The following DCDC1 variants were observed in gnomAD, a reference collection of about 807,000 sequenced individuals.
DCDC1 encodes the protein doublecortin domain-containing protein 1.
Under a neutral mutation model 178.3 loss-of-function variants are expected in DCDC1, and 200 were observed. That is an observed-to-expected ratio of 1.12 (90% CI 1.00 to 1.26). The LOEUF is 1.26. DCDC1 is among the 50% of genes most tolerant of loss of function. The probability of loss-of-function intolerance (pLI) is 0.00; values close to 1 mark genes in which losing one functional copy is unlikely to be tolerated. For synonymous variants in DCDC1, 690 were observed against 604.8 expected (o/e 1.14, Z -2.07); for missense variants, 1,983 against 1,749.2 (o/e 1.13, Z -2.38).
At chr11:31,328,034 CTGAT>C (rs1949743501) in intron 3 of DCDC1, 79 bp downstream of exon 3, 5 of 1,398,532 alleles carry the variant, frequency 3.6e-6, no homozygotes, top group Non-Finnish European at 4.7e-6. Context: ...CCGGCCAAGA[CTGAT>C]TGAAAATTTA....
chr11:31,035,766 T>A (rs996910587), intron 20 of DCDC1, among the ~76,000 whole-genome samples: 1 of 152,264 alleles, frequency 6.6e-6, no homozygotes, highest in Non-Finnish European at 1.5e-5. Flanking sequence ...CACTGATGGA[T>A]CTTGCTTACA....
rs1041450505 is a variant in DCDC1, at chr11:31,195,245, G to A, written c.1221+46205C>T. ...AGTTAAAGAGTGGATTGGAAGTTAT[G>A]GAGGCTAGTCCTGGTTCTTCCACTA... On this transcript the variant is annotated intron_variant, in intron 9 of 38. Transcript: ENST00000684477. Among the ~76,000 whole-genome samples, 12 of 152,114 alleles carry A rather than the reference G, an allele frequency of 7.9e-5. No individual in the cohort carries two copies. In the East Asian group the frequency reaches 1.7e-3, roughly 22 times the overall value.
At chr11:30,995,224 G>A (rs1434124595) in intron 20 of DCDC1, among the ~76,000 whole-genome samples, 1 of 151,986 alleles carries the variant, frequency 6.6e-6, no homozygotes, top group Admixed American at 6.6e-5. Flanking sequence ...CAGTATCTAC[G>A]TGGTAAAAAC....
rs1451130668 is a variant in DCDC1 at position 30,900,341 on chromosome 11, GT to G, written c.4663+4del. 2 of 1,506,756 alleles carry G rather than the reference GT, an allele frequency of 1.3e-6. No individual in the cohort carries two copies. The highest frequency in any genetic ancestry group is 1.8e-6 in the Non-Finnish European group (2 of 1,128,176). 93.3% of individuals were successfully genotyped at this position (1,506,756 alleles called of 1,614,324 possible). A position where few individuals can be genotyped will look rare whatever the true frequency, so the allele number is the denominator to read the frequency against. ...CTTGAAAGAAAGCAAAAACAAAAAA[GT>G]TACCATTTGGAGGTAGAAATGGTTC... On this transcript the variant is annotated splice_donor_region_variant and intron_variant, in intron 33 of 38. Transcript: ENST00000684477.
chr11:31,205,054 T>C (rs1971715521), intron 9 of DCDC1, among the ~76,000 whole-genome samples: 1 of 152,156 alleles, frequency 6.6e-6, no homozygotes, highest in South Asian at 2.1e-4. Context: ...CTATAAGAGT[T>C]TTCTCTTAAT....
At chr11:31,263,801 G>C (rs1319954489) in intron 8 of DCDC1, among the ~76,000 whole-genome samples, 1 of 152,138 alleles carries the variant, frequency 6.6e-6, no homozygotes, top group African/African-American at 2.4e-5. Flanking sequence ...TCAGTTGTCG[G>C]AATCACTACC....
chr11:31,232,350 G>T (rs1316885020), intron 9 of DCDC1, among the ~76,000 whole-genome samples: 1 of 151,734 alleles, frequency 6.6e-6, no homozygotes, highest in East Asian at 1.9e-4. Flanking sequence ...TCCTGTTTTG[G>T]CATTTCTTCA....
chr11:31,338,337 A>G (rs1950373222), intron 1 of DCDC1, among the ~76,000 whole-genome samples: 1 of 152,144 alleles, frequency 6.6e-6, no homozygotes, highest in African/African-American at 2.4e-5. Flanking sequence ...CTTAATGAAA[A>G]GGACAGTGCA....
At chr11:31,125,319 C>T (rs1208842137) in intron 11 of DCDC1, among the ~76,000 whole-genome samples, 1 of 152,088 alleles carries the variant, frequency 6.6e-6, no homozygotes. Context: ...TACTTTTACA[C>T]TGTTAGTGGG....
chr11:31,357,262 G>C (rs1951431609), intron 1 of DCDC1, among the ~76,000 whole-genome samples: 1 of 151,660 alleles, frequency 6.6e-6, no homozygotes, highest in African/African-American at 2.4e-5. Flanking sequence ...CTTCATCCCT[G>C]GGATGCAAGG....
intron 20 of DCDC1, among the ~76,000 whole-genome samples, chr11:31,011,336 CA>C (rs1367009662): frequency 6.6e-6 from 1 of 151,914 alleles, no homozygotes; most frequent in Non-Finnish European, 1.5e-5. Context: ...ACCTGTTTAA[CA>C]AAAGATACAA....
intron 10 of DCDC1, 152 bp from the exon 11 acceptor site, chr11:31,127,791 G>A (rs937592059): frequency 1.9e-6 from 1 of 531,614 alleles, no homozygotes; most frequent in Non-Finnish European, 3.3e-6. Flanking sequence ...CAATGAAAGA[G>A]ATATACATTC....
chr11:30,964,790 C>T (rs1949332054), intron 20 of DCDC1, among the ~76,000 whole-genome samples: 2 of 152,084 alleles, frequency 1.3e-5, no homozygotes, highest in South Asian at 4.1e-4. Context: ...ACCCTTAACA[C>T]AAGTGGGGAG....
At chr11:31,171,071 G>A (rs778894582) in intron 9 of DCDC1, among the ~76,000 whole-genome samples, 11 of 151,934 alleles carry the variant, frequency 7.2e-5, no homozygotes, top group Admixed American at 1.3e-4. Context: ...CAGGTGATCC[G>A]CCCCCCTTGG....
chr11:30,906,732 T>C lies in DCDC1; in HGVS notation c.3919-7A>G. On this transcript the variant is annotated splice_region_variant and splice_polypyrimidine_tract_variant and intron_variant, in intron 29 of 38. Transcript: ENST00000684477. Reference sequence around the variant, plus strand: ...GTGAGAGATAACAGTATCCCTAAAATGGGAGACAAAGATGGCTTTATATAG... The same window carrying C: ...GTGAGAGATAACAGTATCCCTAAAACGGGAGACAAAGATGGCTTTATATAG... 6.2e-7 allele frequency: 1 copy of C among 1,609,870 alleles called. No individual in the cohort carries two copies. The highest frequency in any genetic ancestry group is 8.5e-7 in the Non-Finnish European group (1 of 1,177,732).
intron 9 of DCDC1, among the ~76,000 whole-genome samples, chr11:31,146,240 T>G (rs1174114925): frequency 2.6e-5 from 4 of 151,600 alleles, no homozygotes; most frequent in African/African-American, 4.9e-5. Context: ...CCTGGCTAAT[T>G]TTTTTTTGTT....
At chr11:30,891,901 G>A (rs1031198235) in intron 36 of DCDC1, among the ~76,000 whole-genome samples, 1 of 152,056 alleles carries the variant, frequency 6.6e-6, no homozygotes, top group Non-Finnish European at 1.5e-5. Context: ...ATGTCCAGGG[G>A]CAGAACCATC....
At chr11:31,139,936 G>A (rs1018769824) in intron 9 of DCDC1, among the ~76,000 whole-genome samples, 7 of 152,140 alleles carry the variant, frequency 4.6e-5, no homozygotes, top group Non-Finnish European at 8.8e-5. Context: ...ATACACACAT[G>A]GGTCCTTTTC....
chr11:30,913,494 C>G (rs1341915181), intron 27 of DCDC1, among the ~76,000 whole-genome samples: 3 of 152,144 alleles, frequency 2.0e-5, no homozygotes, highest in Admixed American at 2.0e-4. Flanking sequence ...AATCTTGTCC[C>G]ACTGGGCCCC....
Sources: allele counts gnomAD v4.1 joint callset (sites outside exome capture counted in the v4.1 genomes callset), GRCh38; gene constraint gnomAD v4.1.1; transcripts MANE v1.5; gene names NCBI Gene and HGNC (gene_info 2026-07-23, HGNC 2026-07-21).